Variants in CLIP2 observed in about 807,000 individuals in gnomAD.
CLIP2 encodes CAP-Gly domain-containing linker protein 2.
A neutral mutation model predicts 111.7 loss-of-function variants in CLIP2; 41 were observed. The ratio of observed to expected loss-of-function variants is 0.37; its 90% CI spans 0.29 to 0.48. The LOEUF is 0.48. Ranked by LOEUF, CLIP2 falls within the 20% of genes least tolerant of loss-of-function variation. The probability of loss-of-function intolerance (pLI) is 0.99; values close to 1 mark genes in which losing one functional copy is unlikely to be tolerated. For synonymous variants in CLIP2, 660 were observed against 644.2 expected (o/e 1.02, Z -0.37); for missense variants, 1,160 against 1,422.1 (o/e 0.82, Z 2.96).
At chr7:74,353,481 C>T (rs1256620372) in intron 3 of CLIP2, among the ~76,000 whole-genome samples, 1 of 152,118 alleles carries the variant, frequency 6.6e-6, no homozygotes, top group Non-Finnish European at 1.5e-5. Context: ...GAACTCCTGA[C>T]CTCAGGTGAT....
rs782294605 is a variant in CLIP2 at position 74,376,756 on chromosome 7, G to C, written c.2355G>C (p.Glu785Asp). The change falls in exon 10 of 17, where the codon GAG (glutamate) becomes GAC (aspartate). Residue 785 changes from glutamate to aspartate, a missense_variant. Physicochemically the swap from Glu to Asp is conservative, Grantham distance 45. Coordinates refer to ENST00000223398, the MANE Select transcript of CLIP2 (RefSeq NM_003388.5). The surrounding 1 kb of genome is among the most constrained non-coding windows in gnomAD (Gnocchi z 7.1). ...QGKQEVESLR[E>D]KLLVAENRLQ... is the part of the protein sequence containing the mutation. ...AACAGGAGGTCGAGAGTTTGCGGGA[G>C]AAGCTCCTGGTGGCTGAGAACAGAC... 6.2e-7 allele frequency: 1 copy of C among 1,611,992 alleles called. No individual in the cohort carries two copies. The highest frequency in any genetic ancestry group is 8.5e-7 in the Non-Finnish European group (1 of 1,179,554).
intron 2 of CLIP2, among the ~76,000 whole-genome samples, chr7:74,336,355 A>C (rs2116552545): frequency 6.6e-6 from 1 of 152,266 alleles, no homozygotes; most frequent in South Asian, 2.1e-4. Context: ...GGCGTGAGCC[A>C]CCATGCTCAG....
intron 13 of CLIP2, among the ~76,000 whole-genome samples, chr7:74,390,208 A>G (rs1791255944): frequency 3.0e-5 from 3 of 98,512 alleles, no homozygotes; most frequent in Non-Finnish European, 7.2e-5. Context: ...AAAGAAAGAA[A>G]GAAAGAAAGA....
intron 3 of CLIP2, among the ~76,000 whole-genome samples, chr7:74,350,429 A>G (rs1789950291): frequency 6.6e-6 from 1 of 152,046 alleles, no homozygotes; most frequent in Non-Finnish European, 1.5e-5. Context: ...GCTGGTCTCA[A>G]AGTCCTGGCC....
rs949431393 is a variant in CLIP2, at chr7:74,376,109, G to A, written c.1708G>A (p.Ala570Thr). 11 of 1,610,542 alleles carry A rather than the reference G, an allele frequency of 6.8e-6. No individual in the cohort carries two copies. In the East Asian group the frequency reaches 2.0e-4, roughly 29 times the overall value. The change falls in exon 10 of 17, where the codon GCC becomes ACC. Residue 570 changes from alanine (A) to threonine (T), a missense_variant. By Grantham distance (58) the Ala-to-Thr change is moderately conservative. This residue lies in a region of CLIP2 where 676 missense variants were observed against 777.8 expected (regional missense o/e 0.87). Coordinates refer to ENST00000223398, the MANE Select transcript of CLIP2 (RefSeq NM_003388.5). This position sits in a 1 kb window ranked among gnomAD's most constrained non-coding sequence, Gnocchi z 7.1. ...GGTGCTGCGGGATAAATACGAGAAGGCCCTGAAGGCCTACCAGGCGGAGGT... is the reference window on the plus strand; with the variant it reads ...GGTGCTGCGGGATAAATACGAGAAGACCCTGAAGGCCTACCAGGCGGAGGT... ...SGVLRDKYEK[A>T]LKAYQAEVDK...
At chr7:74,332,222 C>T (rs543971897) in intron 2 of CLIP2, among the ~76,000 whole-genome samples, 2 of 151,868 alleles carry the variant, frequency 1.3e-5, no homozygotes, top group South Asian at 2.1e-4. Flanking sequence ...TACAGGTGCC[C>T]GCCACCATGC....
intron 1 of CLIP2, among the ~76,000 whole-genome samples, chr7:74,308,572 T>G (rs1205081185): frequency 6.6e-6 from 1 of 151,772 alleles, no homozygotes; most frequent in Non-Finnish European, 1.5e-5. Flanking sequence ...TGGTGCGATG[T>G]CAGCTCACTG....
chr7:74,401,818 C>G (rs1554317744), intron 16 of CLIP2, among the ~76,000 whole-genome samples: 1 of 152,228 alleles, frequency 6.6e-6, no homozygotes, highest in African/African-American at 2.4e-5. Context: ...GTAACCCCAG[C>G]ACTTTGGGAG....
intron 14 of CLIP2, among the ~76,000 whole-genome samples, chr7:74,398,476 C>G (rs1285530020): frequency 6.6e-6 from 1 of 152,240 alleles, no homozygotes; most frequent in South Asian, 2.1e-4. Flanking sequence ...TCCAGGAGGA[C>G]AGGCCCTTGC....
intron 8 of CLIP2, among the ~76,000 whole-genome samples, chr7:74,367,573 A>T (rs1451262309): frequency 6.6e-6 from 1 of 150,956 alleles, no homozygotes; most frequent in African/African-American, 2.4e-5. Context: ...CGATCCTCCC[A>T]CCCTAGCCTC....
chr7:74,366,875 CAAAAAAA>C (rs35336151), intron 8 of CLIP2, among the ~76,000 whole-genome samples: 3 of 66,110 alleles, frequency 4.5e-5, no homozygotes, highest in African/African-American at 2.1e-4. Flanking sequence ...GACTCCTTCT[CAAAAAAA>C]AAAAAAAAAA....
chr7:74,325,498 G>A (rs908984790), intron 2 of CLIP2, among the ~76,000 whole-genome samples: 2 of 152,094 alleles, frequency 1.3e-5, no homozygotes, highest in African/African-American at 2.4e-5. Flanking sequence ...CCCAGCTGCC[G>A]TTCAGGGAAA....
At chr7:74,399,971 G>A (rs1176479508) in intron 14 of CLIP2, among the ~76,000 whole-genome samples, 4 of 151,532 alleles carry the variant, frequency 2.6e-5, no homozygotes, top group African/African-American at 9.7e-5. Flanking sequence ...TGGCTAACAC[G>A]GTGAAACCAC....
rs541365165 is a variant in CLIP2, at chr7:74,403,582, C to CACAA, written c.3130-245_3130-242dup. The stretch of plus-strand genomic sequence containing the variant: ...GACTCCGTCTTAAAACAAACAAACA[C>CACAA]ACAAACAAACAAAAAACCTGCTTCT... On this transcript the variant is annotated intron_variant, in intron 16 of 16. Transcript: ENST00000223398. 4.7e-3 allele frequency among the ~76,000 whole-genome samples: 723 copies of CACAA among 152,222 alleles called. 5 individuals carry two copies. The highest frequency in any genetic ancestry group is 0.017 in the African/African-American group (700 of 41,560).
intron 3 of CLIP2, among the ~76,000 whole-genome samples, chr7:74,339,341 TGTC>T (rs1192752776): frequency 6.8e-6 from 1 of 147,352 alleles, no homozygotes; most frequent in African/African-American, 2.4e-5. Context: ...GTTTTGTTCT[TGTC>T]GTCCAGGCTG....
rs556627719 is a variant in CLIP2 at position 74,338,291 on chromosome 7, C to T, written c.122-157C>T. 1.1e-4 allele frequency among the ~76,000 whole-genome samples: 17 copies of T among 152,236 alleles called. No individual in the cohort carries two copies. Among genetic ancestry groups the T allele is most frequent in the Admixed American group, 9.8e-4 (15 of 15,266 alleles). On this transcript the variant is annotated intron_variant, in intron 2 of 16. Coordinates refer to ENST00000223398, the MANE Select transcript of CLIP2 (RefSeq NM_003388.5). The surrounding 1 kb of genome is among the most constrained non-coding windows in gnomAD (Gnocchi z 4.3). Reference sequence around the variant, plus strand: ...CCAAGGCGGGCGGATTTCTTGAGGTCAGGAGTTCGAGACCAGCCTGGCCGA... The same window carrying T: ...CCAAGGCGGGCGGATTTCTTGAGGTTAGGAGTTCGAGACCAGCCTGGCCGA...
intron 1 of CLIP2, among the ~76,000 whole-genome samples, chr7:74,307,115 G>A (rs1306437322): frequency 2.0e-5 from 3 of 152,190 alleles, no homozygotes; most frequent in African/African-American, 7.2e-5. Context: ...TCGGGGACAG[G>A]GGGGCTGCTC....
chr7:74,339,386 A>T (rs1356967070), intron 3 of CLIP2, among the ~76,000 whole-genome samples: 1 of 151,618 alleles, frequency 6.6e-6, no homozygotes, highest in African/African-American at 2.4e-5. Flanking sequence ...GCTCACTGTA[A>T]CCTCCACCTC....
In CLIP2 at chr7:74,405,366, G is replaced by T. The variant is rs1367845372; in HGVS notation, c.*1518G>T. ...AGGGAGAAGCCCGATGCCCCATCCC[G>T]GCTTTCCCGTAACGCACAGGACACG... On this transcript the variant is annotated 3_prime_UTR_variant, in exon 17 of 17. Transcript: ENST00000223398. 4 of 152,230 alleles carry T rather than the reference G, an allele frequency of 2.6e-5. No homozygotes were observed. 9.4% of individuals were successfully genotyped at this position (152,230 alleles called of 1,614,324 possible).
Sources: allele counts gnomAD v4.1 joint callset (sites outside exome capture counted in the v4.1 genomes callset), GRCh38; gene constraint gnomAD v4.1.1; regional missense constraint gnomAD v4.1.1; non-coding constraint Gnocchi (gnomAD v3.1); transcripts MANE v1.5; gene names NCBI Gene and HGNC (gene_info 2026-07-23, HGNC 2026-07-21).